HPX: variants seen among roughly 807,000 people sequenced by gnomAD.
The protein encoded by HPX is hemopexin.
In HPX, 42 loss-of-function variants were observed where a neutral mutation model predicts 53.8. The ratio of observed to expected loss-of-function variants is 0.78; its 90% CI spans 0.61 to 1.01. The LOEUF (loss-of-function observed/expected upper bound fraction) is 1.01, where lower values mean the gene tolerates loss of function less well. Ranked by LOEUF, HPX falls within the 50% of genes least tolerant of loss-of-function variation. The pLI, the probability that HPX is intolerant of heterozygous loss-of-function variation, is 0.00. For missense variants in HPX, 547 were observed against 594.3 expected (o/e 0.92, Z 0.83); for synonymous variants, 229 against 221.1 (o/e 1.04, Z -0.32).
chr11:6,436,962 G>T, intron 7 of HPX, 84 bp downstream of exon 7: 1 of 1,455,818 alleles, frequency 6.9e-7, no homozygotes, highest in South Asian at 1.2e-5. Context: ...ACACAGTGAT[G>T]ACAATGGAGA....
chr11:6,439,188 A>G (rs567859047), intron 4 of HPX, among the ~76,000 whole-genome samples: 1 of 152,236 alleles, frequency 6.6e-6, no homozygotes, highest in Non-Finnish European at 1.5e-5. Flanking sequence ...AGCAGCATGC[A>G]GAGCCCAAAC....
intron 7 of HPX, among the ~76,000 whole-genome samples, chr11:6,436,141 A>T (rs1188427441): frequency 6.6e-6 from 1 of 152,160 alleles, no homozygotes; most frequent in Non-Finnish European, 1.5e-5. Context: ...ATAGTGTGCA[A>T]TCCTGCTGTG....
At chr11:6,432,274 G>A in intron 7 of HPX, 1 of 525,986 alleles carries the variant, frequency 1.9e-6, no homozygotes, top group African/African-American at 1.9e-5. Context: ...TCCAGGTAAG[G>A]CCAACATCAT....
chr11:6,439,223 T>C (rs1849454807), intron 4 of HPX, among the ~76,000 whole-genome samples: 1 of 152,088 alleles, frequency 6.6e-6, no homozygotes, highest in African/African-American at 2.4e-5. Context: ...TGCTCCAACC[T>C]CATGTAGATT....
chr11:6,436,054 A>C (rs952579801), intron 7 of HPX, among the ~76,000 whole-genome samples: 8 of 152,074 alleles, frequency 5.3e-5, no homozygotes, highest in Admixed American at 3.3e-4. Flanking sequence ...ATGTGTTCTT[A>C]CTATGGCGTA....
intron 2 of HPX, 29 bp from the exon 3 acceptor site, chr11:6,440,567 TAAAAAAAAAAAAAAAAAAAAAAAA>T (rs71056749): frequency 2.5e-5 from 15 of 591,196 alleles, no homozygotes; most frequent in East Asian, 3.8e-5. Context: ...GATGGCAAAG[TAAAAAAAAAAAAAAAAAAAAAAAA>T]AAAAAAAAAA....
chr11:6,433,819 T>C (rs1455654195), intron 7 of HPX, among the ~76,000 whole-genome samples: 1 of 152,246 alleles, frequency 6.6e-6, no homozygotes, highest in African/African-American at 2.4e-5. Flanking sequence ...GCTCTTTCTC[T>C]GTGTTCCAGC....
intron 4 of HPX, chr11:6,439,912 C>T (rs1436115371): frequency 3.9e-6 from 2 of 516,082 alleles, no homozygotes; most frequent in South Asian, 2.0e-5. Flanking sequence ...AAAAGGATGG[C>T]CAGCAGTGTG....
chr11:6,432,047 C>A, intron 7 of HPX, 30 bp from the exon 8 acceptor site: 2 of 1,613,026 alleles, frequency 1.2e-6, no homozygotes, highest in Non-Finnish European at 1.7e-6. Context: ...GCTCTAGGGC[C>A]GCTGGCAGAA....
chr11:6,431,286 A>T lies in HPX; in HGVS notation c.1314T>A (p.Asp438Glu), dbSNP rs764317795. The T allele has an allele frequency of 1.7e-5, 27 of 1,614,270 alleles. No homozygotes were observed. Among genetic ancestry groups the T allele is most frequent in the Non-Finnish European group, 2.2e-5 (26 of 1,180,046 alleles). ...IHGPNLYCYSDVEKLNAAKAL... is the reference protein window; with the variant it reads ...IHGPNLYCYSEVEKLNAAKAL... ...CCTTGGCTGCATTCAGTTTCTCCAC[A>T]TCACTGTAGCAGTACAAATTGGGAC... The change falls in exon 10 of 10, where the codon GAT becomes GAA. Residue 438 changes from aspartate to glutamate, a missense_variant. Asp to Glu is a conservative substitution (Grantham distance 45). Coordinates refer to ENST00000265983, the MANE Select transcript of HPX (RefSeq NM_000613.3).
At chr11:6,432,297 C>T (rs1323001804) in intron 7 of HPX, 1 of 476,138 alleles carries the variant, frequency 2.1e-6, no homozygotes, top group Non-Finnish European at 3.8e-6. Flanking sequence ...GGTTGGCGGG[C>T]ACTCCCTAAG....
At position 6,437,045 on chromosome 11, in the gene HPX, C is replaced by A; in HGVS notation, c.835+1G>T. 6.2e-7 allele frequency: 1 copy of A among 1,613,914 alleles called. No homozygotes were observed. The highest frequency in any genetic ancestry group is 2.2e-5 in the East Asian group (1 of 44,882). On this transcript the variant is annotated splice_donor_variant, in intron 7 of 9. Coordinates refer to ENST00000265983, the MANE Select transcript of HPX (RefSeq NM_000613.3). LOFTEE classifies it high-confidence loss of function. Reference sequence around the variant, plus strand: ...TTGGGGGAGTTGGGGGCATCTCTCACCACTGAAGGCATAGGTGGCACCATG... The same window carrying A: ...TTGGGGGAGTTGGGGGCATCTCTCAACACTGAAGGCATAGGTGGCACCATG...
chr11:6,435,183 G>A (rs1396257221), intron 7 of HPX, among the ~76,000 whole-genome samples: 1 of 152,172 alleles, frequency 6.6e-6, no homozygotes, highest in East Asian at 1.9e-4. Context: ...GCTGAGGCAG[G>A]AGGATCGCTT....
In HPX at chr11:6,440,686, T is replaced by TCTGG; in HGVS notation, c.124_127dup (p.Asp43AlafsTer7). ...CAGGGCCTCACCAGTCACGTCTGGG[T>TCTGG]CTGGCTTGGTCTCGCCTTCAGCAAC... On this transcript the variant is annotated frameshift_variant, in exon 2 of 10. Transcript: ENST00000265983. LOFTEE classifies it high-confidence loss of function. 1 of 1,611,592 alleles carries TCTGG rather than the reference T, an allele frequency of 6.2e-7. No homozygotes were observed. The highest frequency in any genetic ancestry group is 1.1e-5 in the South Asian group (1 of 90,952).
chr11:6,437,439 C>A lies in HPX; in HGVS notation c.703+1G>T. ...GGTCTCAAGTGCTAGGGCTTTCTCA[C>A]CTCTGCCAGGGCAGGGCATGAAGTA... On this transcript the variant is annotated splice_donor_variant, in intron 6 of 9. Coordinates refer to ENST00000265983, the MANE Select transcript of HPX (RefSeq NM_000613.3). LOFTEE classifies it high-confidence loss of function. The A allele has an allele frequency of 6.2e-7, 1 of 1,612,722 alleles. No homozygotes were observed. The highest frequency in any genetic ancestry group is 8.5e-7 in the Non-Finnish European group (1 of 1,179,542).
intron 7 of HPX, among the ~76,000 whole-genome samples, chr11:6,436,611 G>A (rs1036623770): frequency 6.6e-6 from 1 of 152,186 alleles, no homozygotes; most frequent in African/African-American, 2.4e-5. Context: ...TAGGAACCAG[G>A]AACCTGAAAC....
Position 6,440,973 on chromosome 11 carries a change from C to T in HPX, c.-10G>A. 1 of 1,592,308 alleles carries T rather than the reference C, an allele frequency of 6.3e-7. No homozygotes were observed. Among genetic ancestry groups the T allele is most frequent in the African/African-American group, 1.3e-5 (1 of 74,564 alleles). Reference sequence around the variant, plus strand: ...CCAGTACCCTAGCCATGCTGAGCTGCAGAGGCCACAGGACAGCTCTGGGTG... The same window carrying T: ...CCAGTACCCTAGCCATGCTGAGCTGTAGAGGCCACAGGACAGCTCTGGGTG... On this transcript the variant is annotated 5_prime_UTR_variant, in exon 1 of 10. Transcript: ENST00000265983.
intron 5 of HPX, 197 bp downstream of exon 5, chr11:6,438,159 C>G (rs1849440261): frequency 1.6e-6 from 1 of 632,012 alleles, no homozygotes; most frequent in South Asian, 1.9e-5. Context: ...CAGAATTACA[C>G]ACAGTTGCCT....
intron 2 of HPX, 25 bp downstream of exon 2, chr11:6,440,647 C>T: frequency 1.3e-6 from 2 of 1,571,482 alleles, no homozygotes; most frequent in Non-Finnish European, 1.7e-6. Flanking sequence ...ACAGATAAGA[C>T]AGACTTAGGG....
Sources: gnomAD v4.1 joint callset for allele counts (sites outside exome capture counted in the v4.1 genomes callset) on GRCh38, gnomAD v4.1.1 for gene constraint, MANE v1.5 for transcripts, NCBI Gene and HGNC (gene_info 2026-07-23, HGNC 2026-07-21) for gene names.